Variants in NDUFS4 observed in about 807,000 individuals in gnomAD.
NDUFS4 encodes NADH:ubiquinone oxidoreductase subunit S4, also known as NADH dehydrogenase [ubiquinone] iron-sulfur protein 4, mitochondrial.
In NDUFS4, 28 loss-of-function variants were observed where a neutral mutation model predicts 24.3. The observed-to-expected ratio is 1.15, with a 90% CI of 0.85 to 1.58. The LOEUF (loss-of-function observed/expected upper bound fraction) is 1.58. NDUFS4 is among the 40% of genes most tolerant of loss of function. The pLI, the probability that NDUFS4 is intolerant of heterozygous loss-of-function variation, is 0.00. For synonymous variants in NDUFS4, 93 were observed against 69.7 expected (o/e 1.34, Z -1.67); for missense variants, 223 against 207.9 (o/e 1.07, Z -0.45).
At chr5:53,616,351 A>G (rs1480669541) in intron 2 of NDUFS4, among the ~76,000 whole-genome samples, 1 of 152,056 alleles carries the variant, frequency 6.6e-6, no homozygotes, top group African/African-American at 2.4e-5. Flanking sequence ...GGTATTTTTC[A>G]TAGATTATGA....
At chr5:53,595,865 T>C (rs1411294118) in intron 1 of NDUFS4, among the ~76,000 whole-genome samples, 1 of 152,166 alleles carries the variant, frequency 6.6e-6, no homozygotes, top group Non-Finnish European at 1.5e-5. Flanking sequence ...TTCAGAAGAA[T>C]GAGAAAAATA....
chr5:53,657,989 G>C (rs1424355660), intron 3 of NDUFS4, among the ~76,000 whole-genome samples: 1 of 151,798 alleles, frequency 6.6e-6, no homozygotes, highest in African/African-American at 2.4e-5. Context: ...AAGAGCCTAT[G>C]TAGATTTGTA....
chr5:53,650,490 A>G (rs981627772), intron 3 of NDUFS4, among the ~76,000 whole-genome samples: 1 of 152,204 alleles, frequency 6.6e-6, no homozygotes, highest in African/African-American at 2.4e-5. Flanking sequence ...ATACAGAAAG[A>G]TGGTTGGACA....
intron 2 of NDUFS4, among the ~76,000 whole-genome samples, chr5:53,638,141 T>G (rs1171967692): frequency 6.6e-6 from 1 of 152,124 alleles, no homozygotes; most frequent in East Asian, 1.9e-4. Flanking sequence ...TGTCAATTTA[T>G]GGAACACTCA....
chr5:53,641,835 T>G lies in NDUFS4; in HGVS notation c.178-4398T>G, dbSNP rs144197615. Reference sequence around the variant, plus strand: ...TACAGGTCTAAGACTTGCTTTTCTTTGAACATCTTTTATGGTTGAAATAGA... The same window carrying G: ...TACAGGTCTAAGACTTGCTTTTCTTGGAACATCTTTTATGGTTGAAATAGA... On this transcript the variant is annotated intron_variant, in intron 2 of 4. Transcript: ENST00000296684. Among the ~76,000 whole-genome samples, 709 of 152,288 alleles carry G rather than the reference T, an allele frequency of 4.7e-3. 5 individuals carry two copies. The highest frequency in any genetic ancestry group is 0.016 in the African/African-American group (683 of 41,590).
chr5:53,635,397 G>A (rs1036452266), intron 2 of NDUFS4, among the ~76,000 whole-genome samples: 10 of 151,896 alleles, frequency 6.6e-5, no homozygotes, highest in South Asian at 2.1e-4. Flanking sequence ...GCATGTGCCT[G>A]TAGTCTTAGC....
chr5:53,618,398 C>A (rs528135218), intron 2 of NDUFS4, among the ~76,000 whole-genome samples: 5 of 152,082 alleles, frequency 3.3e-5, no homozygotes, highest in Admixed American at 6.5e-5. Context: ...AATTATTATT[C>A]TTAATCAGTT....
intron 2 of NDUFS4, among the ~76,000 whole-genome samples, chr5:53,628,240 T>G (rs1314517912): frequency 6.6e-6 from 1 of 152,142 alleles, no homozygotes; most frequent in African/African-American, 2.4e-5. Flanking sequence ...CCGACTTGAT[T>G]GTGGTGGATA....
chr5:53,579,988 A>G (rs1423136608), intron 1 of NDUFS4, among the ~76,000 whole-genome samples: 1 of 152,206 alleles, frequency 6.6e-6, no homozygotes, highest in African/African-American at 2.4e-5. Flanking sequence ...ACACATTGAT[A>G]TTAGCCCTGT....
intron 4 of NDUFS4, among the ~76,000 whole-genome samples, chr5:53,676,240 A>T (rs1740465042): frequency 6.6e-6 from 1 of 152,140 alleles, no homozygotes; most frequent in Non-Finnish European, 1.5e-5. Flanking sequence ...ATGAGAGAGG[A>T]CAGACTTTAT....
intron 4 of NDUFS4, among the ~76,000 whole-genome samples, chr5:53,666,998 T>C (rs1752533123): frequency 6.6e-6 from 1 of 152,172 alleles, no homozygotes; most frequent in Non-Finnish European, 1.5e-5. Context: ...GAAACCATTC[T>C]CCTCTCCTGG....
At position 53,640,861 on chromosome 5, in the gene NDUFS4, C is replaced by T. The variant is rs553513694; in HGVS notation, c.178-5372C>T. On this transcript the variant is annotated intron_variant, in intron 2 of 4. Transcript: ENST00000296684. ...CCAGTTTCCCATGGAATATGACATG[C>T]CTGTAATCACACACACATTAATCTG... 2.6e-5 allele frequency among the ~76,000 whole-genome samples: 4 copies of T among 152,188 alleles called. No individual in the cohort carries two copies. The South Asian group carries it at 8.3e-4, about 32-fold the overall frequency.
At chr5:53,583,475 G>A (rs185183714) in intron 1 of NDUFS4, among the ~76,000 whole-genome samples, 5 of 152,168 alleles carry the variant, frequency 3.3e-5, no homozygotes, top group East Asian at 1.9e-4. Flanking sequence ...ATTTTTTTCC[G>A]TAATAAATAG....
intron 2 of NDUFS4, among the ~76,000 whole-genome samples, chr5:53,618,512 T>TA (rs1750923960): frequency 1.3e-5 from 2 of 152,130 alleles, no homozygotes; most frequent in Non-Finnish European, 2.9e-5. Context: ...GGTCCTGTGT[T>TA]AGTCATGTGT....
intron 2 of NDUFS4, among the ~76,000 whole-genome samples, chr5:53,639,657 C>G (rs1405414669): frequency 6.6e-6 from 1 of 152,124 alleles, no homozygotes; most frequent in Non-Finnish European, 1.5e-5. Flanking sequence ...CTGCTCATGA[C>G]AACTTCTTGA....
intron 4 of NDUFS4, among the ~76,000 whole-genome samples, chr5:53,667,554 A>C (rs1178302433): frequency 6.6e-6 from 1 of 151,752 alleles, no homozygotes; most frequent in African/African-American, 2.4e-5. Context: ...CTTCCTTCTG[A>C]CTTGCCCCTC....
intron 2 of NDUFS4, among the ~76,000 whole-genome samples, chr5:53,644,378 TTTATACCCAGC>T (rs1253058217): frequency 2.0e-5 from 3 of 152,094 alleles, no homozygotes; most frequent in Admixed American, 2.0e-4. Context: ...ATAGTGTTTG[TTTATACCCAGC>T]TTAAGCTGTA....
intron 4 of NDUFS4, among the ~76,000 whole-genome samples, chr5:53,667,542 C>G (rs1053624568): frequency 6.6e-6 from 1 of 151,650 alleles, no homozygotes. Flanking sequence ...CCACAGCATC[C>G]TCTTCCTTCT....
At chr5:53,663,662 T>C (rs1282136011) in intron 4 of NDUFS4, among the ~76,000 whole-genome samples, 4 of 152,170 alleles carry the variant, frequency 2.6e-5, no homozygotes, top group Non-Finnish European at 5.9e-5. Context: ...AACCCTTGCC[T>C]TTTTTTGTTT....
Sources: allele counts gnomAD v4.1 joint callset (sites outside exome capture counted in the v4.1 genomes callset), GRCh38; gene constraint gnomAD v4.1.1; transcripts MANE v1.5; gene names NCBI Gene and HGNC (gene_info 2026-07-23, HGNC 2026-07-21).